Variants in POMT2 observed in about 807,000 individuals in gnomAD.
POMT2 encodes the protein protein O-mannosyl-transferase 2.
POMT2 carries 75 observed loss-of-function variants against 100.0 expected under a neutral mutation model. The observed-to-expected ratio is 0.75, with a 90% CI of 0.62 to 0.91. The LOEUF (loss-of-function observed/expected upper bound fraction) is 0.91. Among genes scored for constraint, POMT2 ranks in the 40% least tolerant of loss-of-function variants. The pLI, the probability that POMT2 is intolerant of heterozygous loss-of-function variation, is 0.00. For missense variants in POMT2, 940 were observed against 955.1 expected (o/e 0.98, Z 0.21); for synonymous variants, 378 against 374.1 (o/e 1.01, Z -0.12).
intron 8 of POMT2, 71 bp from the exon 9 acceptor site, chr14:77,296,344 C>T: frequency 9.0e-7 from 1 of 1,105,816 alleles, no homozygotes; most frequent in Non-Finnish European, 1.3e-6. Flanking sequence ...TGCGAGGAGC[C>T]TCGGAAGCCA....
chr14:77,320,624 G>A lies in POMT2; in HGVS notation c.58C>T (p.Arg20Cys), dbSNP rs750127630. 2 of 1,590,964 alleles carry A rather than the reference G, an allele frequency of 1.3e-6. No individual in the cohort carries two copies. Among genetic ancestry groups the A allele is most frequent in the South Asian group, 1.1e-5 (1 of 90,306 alleles). Residue 20 changes from arginine to cysteine, a missense_variant, in exon 1 of 21, where the codon CGC becomes TGC. Physicochemically the swap from Arg to Cys is radical, Grantham distance 180. Coordinates refer to ENST00000261534, the MANE Select transcript of POMT2 (RefSeq NM_013382.7). Reference protein sequence around the residue: ...AESELRPRRGRCGPQAARAAG... With the variant: ...AESELRPRRGCCGPQAARAAG... ...GCCCTAGCAGCCTGGGGGCCACAGC[G>A]GCCCCTCCGGGGACGCAGCTCGGAC...
At chr14:77,306,711 C>T in intron 2 of POMT2, 1 of 388,694 alleles carries the variant, frequency 2.6e-6, no homozygotes, top group Non-Finnish European at 4.9e-6. Context: ...GGAAAAAGAG[C>T]CCCACAATTT....
intron 2 of POMT2, among the ~76,000 whole-genome samples, chr14:77,307,473 C>T (rs1004186668): frequency 2.6e-5 from 4 of 152,214 alleles, no homozygotes; most frequent in Non-Finnish European, 5.9e-5. Flanking sequence ...AAGGCAGGGA[C>T]CCCAGGGTTC....
intron 10 of POMT2, among the ~76,000 whole-genome samples, chr14:77,290,419 C>T (rs1890595570): frequency 6.6e-6 from 1 of 152,206 alleles, no homozygotes; most frequent in Non-Finnish European, 1.5e-5. Flanking sequence ...GTTGTATACG[C>T]CACGTTTCTA....
At chr14:77,293,621 G>T (rs887121692) in intron 9 of POMT2, among the ~76,000 whole-genome samples, 2 of 152,242 alleles carry the variant, frequency 1.3e-5, no homozygotes, top group Admixed American at 1.3e-4. Flanking sequence ...AAACTGCATG[G>T]CAGGAAGGGC....
At position 77,283,769 on chromosome 14, in the gene POMT2, C is replaced by T. The variant is rs369503870; in HGVS notation, c.1653+28G>A. 2.2e-4 allele frequency: 346 copies of T among 1,556,488 alleles called. 1 individual carries two copies. Among genetic ancestry groups the T allele is most frequent in the African/African-American group, 2.0e-3 (147 of 73,628 alleles). ...ATGGCTGCCCAAAAGCTCTTAGAGA[C>T]GCCATGAAATGAGAAGGGGACACAT... On this transcript the variant is annotated intron_variant, in intron 15 of 20. Coordinates refer to ENST00000261534, the MANE Select transcript of POMT2 (RefSeq NM_013382.7).
At chr14:77,302,507 G>C (rs1400607603) in intron 5 of POMT2, among the ~76,000 whole-genome samples, 1 of 152,184 alleles carries the variant, frequency 6.6e-6, no homozygotes, top group African/African-American at 2.4e-5. Flanking sequence ...GGTGGGGAAA[G>C]TATTAGGACC....
At chr14:77,312,825 A>G (rs1407537876) in intron 1 of POMT2, among the ~76,000 whole-genome samples, 2 of 152,218 alleles carry the variant, frequency 1.3e-5, no homozygotes. Flanking sequence ...CATGAGTGTC[A>G]CAGGAGTCTC....
chr14:77,305,944 A>T (rs1891210591), intron 3 of POMT2, among the ~76,000 whole-genome samples: 2 of 152,170 alleles, frequency 1.3e-5, no homozygotes, highest in Admixed American at 1.3e-4. Context: ...TGTAGGCAAC[A>T]CTCCAGCAGC....
intron 16 of POMT2, 73 bp from the exon 17 acceptor site, chr14:77,280,153 TG>T: frequency 6.2e-7 from 1 of 1,610,714 alleles, no homozygotes; most frequent in Non-Finnish European, 8.5e-7. Context: ...GGGAGGAAGA[TG>T]GTCACCTTCC....
chr14:77,299,374 C>T, intron 7 of POMT2, 81 bp downstream of exon 7: 5 of 1,261,970 alleles, frequency 4.0e-6, no homozygotes, highest in Non-Finnish European at 5.8e-6. Context: ...ACCACAGACC[C>T]AGAAAATCAT....
chr14:77,305,009 C>T (rs1254976760), intron 3 of POMT2, among the ~76,000 whole-genome samples: 1 of 152,190 alleles, frequency 6.6e-6, no homozygotes, highest in Non-Finnish European at 1.5e-5. Flanking sequence ...CATTAAGCAG[C>T]AACTTGTGCA....
intron 1 of POMT2, among the ~76,000 whole-genome samples, chr14:77,318,411 C>A (rs1338490126): frequency 6.6e-6 from 1 of 152,208 alleles, no homozygotes; most frequent in Non-Finnish European, 1.5e-5. Flanking sequence ...GACATCAACA[C>A]CAACTCCCAA....
chr14:77,320,282 T>G (rs1321578203), intron 1 of POMT2, 152 bp downstream of exon 1: 2 of 1,355,100 alleles, frequency 1.5e-6, no homozygotes, highest in Non-Finnish European at 2.0e-6. Context: ...AGAATGCACC[T>G]CGCCAGAGGC....
In POMT2 at chr14:77,285,561, T is replaced by C. The variant is rs150491326; in HGVS notation, c.1404A>G (p.Lys468=). 957 of 1,614,164 alleles carry C rather than the reference T, an allele frequency of 5.9e-4. 1 individual carries two copies. The highest frequency in any genetic ancestry group is 7.6e-4 in the Non-Finnish European group (893 of 1,179,992). ...VVNRKFGNRI[K]VLRSRIRFIH... is the part of the protein sequence containing the mutation. ...TGAAGCGAATTCGACTTCTCAGCAC[T>C]TTGATCCGGTTTCCAAATTTCCTGT... is the stretch of plus-strand genomic sequence containing the variant. The change falls in exon 13 of 21, where the codon AAA becomes AAG. Residue 468 remains lysine, a synonymous_variant. Transcript: ENST00000261534.
intron 14 of POMT2, chr14:77,284,366 T>C (rs1890341434): frequency 4.9e-6 from 1 of 203,428 alleles, no homozygotes; most frequent in Non-Finnish European, 1.0e-5. Context: ...TTGAATTAGT[T>C]GATTAGTGGG....
intron 4 of POMT2, among the ~76,000 whole-genome samples, chr14:77,303,563 T>C (rs8015231): frequency 6.6e-6 from 1 of 151,932 alleles, no homozygotes; most frequent in Admixed American, 6.5e-5. Flanking sequence ...CCAGCCTTCT[T>C]ACTGTGATTT....
intron 9 of POMT2, among the ~76,000 whole-genome samples, chr14:77,293,146 A>G (rs1175228849): frequency 6.6e-6 from 1 of 152,236 alleles, no homozygotes; most frequent in African/African-American, 2.4e-5. Context: ...TGGTGCTCAT[A>G]AAGAAATTAA....
At chr14:77,284,000 CAG>C in intron 14 of POMT2, 127 bp from the exon 15 acceptor site, 1 of 809,118 alleles carries the variant, frequency 1.2e-6, no homozygotes, top group Non-Finnish European at 2.1e-6. Context: ...GTTGAGGAGA[CAG>C]AAGAAAGCTT....
Sources: gnomAD v4.1 joint callset for allele counts (sites outside exome capture counted in the v4.1 genomes callset) on GRCh38, gnomAD v4.1.1 for gene constraint, MANE v1.5 for transcripts, NCBI Gene and HGNC (gene_info 2026-07-23, HGNC 2026-07-21) for gene names.